Variants in C3 observed in about 807,000 individuals in gnomAD.
C3 encodes the protein complement C3.
C3 carries 97 observed loss-of-function variants against 207.9 expected under a neutral mutation model. The ratio of observed to expected loss-of-function variants is 0.47; its 90% confidence interval spans 0.40 to 0.55. The LOEUF (loss-of-function observed/expected upper bound fraction) is 0.55, where lower values mean the gene tolerates loss of function less well. Ranked by LOEUF, C3 falls within the 20% of genes least tolerant of loss-of-function variation. C3 has a pLI of 0.00. For missense variants in C3, 1,684 were observed against 2,171.7 expected (o/e 0.78, Z 4.46); for synonymous variants, 848 against 857.6 (o/e 0.99, Z 0.20).
rs149212717 is a variant in C3, at chr19:6,709,234, G to A, written c.1845+450C>T. On this transcript the variant is annotated intron_variant, in intron 14 of 40. Transcript: ENST00000245907. ...GAGGTCGAGGCGGGTGGATCACAAG[G>A]CCAAGAGATCGAGACCATCCTGGCC... 5.5e-3 allele frequency among the ~76,000 whole-genome samples: 841 copies of A among 152,212 alleles called. 26 individuals carry two copies. The highest frequency in any genetic ancestry group is 0.02 in the East Asian group (102 of 5,150).
chr19:6,696,726 C>T (rs1967541789), intron 21 of C3, 67 bp from the exon 22 acceptor site: 1 of 1,435,282 alleles, frequency 7.0e-7, no homozygotes, highest in Non-Finnish European at 9.8e-7. Context: ...CACAGATGGT[C>T]AGCAGGGCAC....
In C3 at chr19:6,714,028, T is replaced by C. The variant is rs771248231; in HGVS notation, c.737A>G (p.Tyr246Cys). 1.4e-5 allele frequency: 22 copies of C among 1,610,320 alleles called. No homozygotes were observed. The highest frequency in any genetic ancestry group is 6.7e-5 in the East Asian group (3 of 44,758). The change falls in exon 7 of 41, where the codon TAT becomes TGT. Residue 246 changes from tyrosine (Y) to cysteine (C), a missense_variant. Tyr to Cys is a radical substitution (Grantham distance 194, BLOSUM62 -2). Around this residue, in one of 3 missense-constraint regions of C3, gnomAD observed 1,280 missense variants for 1,739.1 expected, o/e 0.74. Transcript: ENST00000245907. ...VEPTEKFYYI[Y>C]NEKGLEVTIT... ...GGTGACCTCCAGGCCCTTCTCGTTATAGATGTAGTAGAATTTCTCTGTAGG... is the reference window on the plus strand; with the variant it reads ...GGTGACCTCCAGGCCCTTCTCGTTACAGATGTAGTAGAATTTCTCTGTAGG...
intron 14 of C3, 74 bp downstream of exon 14, chr19:6,709,610 G>GTC: frequency 3.8e-6 from 5 of 1,318,308 alleles, no homozygotes; most frequent in Admixed American, 3.4e-5. Context: ...GCCCTCTCCA[G>GTC]TCCCACCCAC....
intron 15 of C3, 74 bp from the exon 16 acceptor site, chr19:6,707,611 G>T: frequency 1.3e-6 from 2 of 1,556,310 alleles, no homozygotes; most frequent in Admixed American, 1.7e-5. Context: ...CCTCACGATC[G>T]TGTGAGGTGG....
At chr19:6,679,838 C>T (rs1175204761) in intron 36 of C3, among the ~76,000 whole-genome samples, 1 of 152,038 alleles carries the variant, frequency 6.6e-6, no homozygotes, top group Non-Finnish European at 1.5e-5. Flanking sequence ...CCCTGAGACC[C>T]CTGAACCCAT....
chr19:6,684,172 C>G (rs1388431215), intron 33 of C3: 4 of 642,916 alleles, frequency 6.2e-6, no homozygotes, highest in African/African-American at 3.6e-5. Context: ...TACTAAGATG[C>G]TTTGACAGTC....
In C3 at chr19:6,680,219, T is replaced by C. The variant is rs767225769; in HGVS notation, c.4395A>G (p.Gln1465=). 8.1e-6 allele frequency: 13 copies of C among 1,613,112 alleles called. No individual in the cohort carries two copies. Among genetic ancestry groups the C allele is most frequent in the East Asian group, 6.7e-5 (3 of 44,888 alleles). The change falls in exon 36 of 41, where the codon CAA becomes CAG. Residue 1465 remains glutamine, a synonymous_variant. Transcript: ENST00000245907. The stretch of plus-strand genomic sequence containing the variant: ...GCTGGATAAGCTCTACATTAAAGTA[T>C]TGGTGAACTTTGAAAGCTAGACAGT... ...EDDCLAFKVH[Q]YFNVELIQPG...
intron 19 of C3, among the ~76,000 whole-genome samples, chr19:6,701,235 C>T (rs980628005): frequency 2.6e-5 from 4 of 152,110 alleles, no homozygotes; most frequent in Admixed American, 1.3e-4. Context: ...TGCACTGCTC[C>T]GAAAACACCC....
chr19:6,710,935 G>A (rs1967909852), intron 12 of C3, 52 bp downstream of exon 12: 4 of 1,603,142 alleles, frequency 2.5e-6, no homozygotes, highest in East Asian at 2.2e-5. Flanking sequence ...TCCCAGGGGT[G>A]CGGAAGAAAC....
chr19:6,711,761 A>C (rs979787799), intron 11 of C3, among the ~76,000 whole-genome samples: 1 of 152,208 alleles, frequency 6.6e-6, no homozygotes, highest in Non-Finnish European at 1.5e-5. Flanking sequence ...CTTCCCTCCC[A>C]GTGAGGGGCA....
chr19:6,700,459 ATG>A (rs1368735222), intron 19 of C3, among the ~76,000 whole-genome samples: 1 of 38,670 alleles, frequency 2.6e-5, no homozygotes, highest in Non-Finnish European at 3.9e-5. Context: ...TGTAATATAT[ATG>A]TTATATATGT....
intron 15 of C3, 84 bp from the exon 16 acceptor site, chr19:6,707,621 G>A: frequency 1.3e-6 from 2 of 1,538,110 alleles, no homozygotes; most frequent in Admixed American, 3.3e-5. Flanking sequence ...GTGTGAGGTG[G>A]GGGTGTTCCT....
At chr19:6,679,280 A>C (rs1396330202) in intron 37 of C3, 72 bp from the exon 38 acceptor site, 1 of 1,475,854 alleles carries the variant, frequency 6.8e-7, no homozygotes, top group African/African-American at 1.4e-5. Context: ...GGGTGTGGCC[A>C]GCCCTGGGAG....
Position 6,679,391 on chromosome 19 carries a change from G to C in C3, c.4546+16C>G, listed in dbSNP as rs1917800678. 1.9e-6 allele frequency: 3 copies of C among 1,602,142 alleles called. No individual in the cohort carries two copies. The African/African-American group carries it at 4.0e-5, about 21-fold the overall frequency. On this transcript the variant is annotated intron_variant, in intron 37 of 40. Coordinates refer to ENST00000245907, the MANE Select transcript of C3 (RefSeq NM_000064.4). ...GCTTGCTCAGACCCACCTGTTCCCGGCTCCAGGGAACTCACCCTCAGCACA... is the reference window on the plus strand; with the variant it reads ...GCTTGCTCAGACCCACCTGTTCCCGCCTCCAGGGAACTCACCCTCAGCACA...
intron 26 of C3, among the ~76,000 whole-genome samples, chr19:6,691,252 C>T (rs889430723): frequency 3.3e-5 from 5 of 152,058 alleles, no homozygotes; most frequent in African/African-American, 1.2e-4. Flanking sequence ...TGGGGTTTCC[C>T]CTGTTGGTCA....
intron 15 of C3, 73 bp from the exon 16 acceptor site, chr19:6,707,610 C>T (rs937880391): frequency 4.5e-6 from 7 of 1,563,762 alleles, no homozygotes; most frequent in Middle Eastern, 3.4e-4. Flanking sequence ...CCCTCACGAT[C>T]GTGTGAGGTG....
intron 27 of C3, among the ~76,000 whole-genome samples, chr19:6,687,347 A>G (rs952141914): frequency 2.0e-5 from 3 of 152,216 alleles, no homozygotes. Context: ...CACCTCATCC[A>G]GTCATCATCA....
At chr19:6,704,806 G>T (rs1188231270) in intron 17 of C3, among the ~76,000 whole-genome samples, 2 of 151,840 alleles carry the variant, frequency 1.3e-5, no homozygotes, top group East Asian at 3.9e-4. Flanking sequence ...GCTGAGGCAG[G>T]AGAATCGCTT....
At chr19:6,688,703 T>A (rs1396294205) in intron 27 of C3, among the ~76,000 whole-genome samples, 1 of 152,240 alleles carries the variant, frequency 6.6e-6, no homozygotes, top group Non-Finnish European at 1.5e-5. Context: ...CAGCCTGTGC[T>A]ATACTCTGCT....
Sources: gnomAD v4.1 joint callset for allele counts (sites outside exome capture counted in the v4.1 genomes callset) on GRCh38, gnomAD v4.1.1 for gene constraint, gnomAD v4.1.1 regional missense constraint, MANE v1.5 for transcripts, NCBI Gene and HGNC (gene_info 2026-07-23, HGNC 2026-07-21) for gene names.